The following NAALADL2 variants were observed in gnomAD, a reference collection of about 807,000 sequenced individuals.
The protein encoded by NAALADL2 is N-acetylated alpha-linked acidic dipeptidase like 2.
A neutral mutation model predicts 87.2 loss-of-function variants in NAALADL2; 76 were observed. The ratio of observed to expected loss-of-function variants is 0.87; its 90% confidence interval spans 0.72 to 1.05. The LOEUF (loss-of-function observed/expected upper bound fraction) is 1.05. NAALADL2 is among the 50% of genes least tolerant of loss of function. NAALADL2 has a pLI of 0.00. For synonymous variants in NAALADL2, 354 were observed against 331.0 expected (o/e 1.07, Z -0.75); for missense variants, 1,089 against 945.8 (o/e 1.15, Z -1.99).
intron 1 of NAALADL2, among the ~76,000 whole-genome samples, chr3:174,505,078 GTTATC>G (rs1185759298): frequency 6.6e-6 from 1 of 152,096 alleles, no homozygotes; most frequent in Non-Finnish European, 1.5e-5. Context: ...GATCATTACT[GTTATC>G]TTAACAGTCT....
intron 5 of NAALADL2, among the ~76,000 whole-genome samples, chr3:175,390,259 GA>G (rs1768917389): frequency 6.6e-6 from 1 of 151,980 alleles, no homozygotes; most frequent in Non-Finnish European, 1.5e-5. Flanking sequence ...CAAATTCCAT[GA>G]TCATTTTACT....
intron 2 of NAALADL2, among the ~76,000 whole-genome samples, chr3:174,728,033 C>CT (rs1016224505): frequency 6.6e-6 from 1 of 151,998 alleles, no homozygotes; most frequent in Non-Finnish European, 1.5e-5. Context: ...TCATTCATGT[C>CT]TTTTTGTGGC....
rs996080450 is a variant in NAALADL2, at chr3:175,405,524, A to G, written c.1091-41705A>G. On this transcript the variant is annotated intron_variant, in intron 5 of 13. Coordinates refer to ENST00000454872, the MANE Select transcript of NAALADL2 (RefSeq NM_207015.3). ...TTTCCATAAATTATTAATGTTATTT[A>G]AAAACTTTGCAGACTTTCTTTTGAT... is the stretch of plus-strand genomic sequence containing the variant. Among the ~76,000 whole-genome samples the G allele has an allele frequency of 2.8e-4, 43 of 152,280 alleles. 2 individuals carry two copies. The highest frequency in any genetic ancestry group is 1.3e-3 in the Admixed American group (20 of 15,286).
At chr3:174,784,260 T>C (rs1322304862) in intron 3 of NAALADL2, among the ~76,000 whole-genome samples, 1 of 152,076 alleles carries the variant, frequency 6.6e-6, no homozygotes, top group African/African-American at 2.4e-5. Flanking sequence ...TTTTTGGAAG[T>C]TAGGATAGGG....
At chr3:175,323,820 A>G (rs1289232960) in intron 4 of NAALADL2, among the ~76,000 whole-genome samples, 21 of 151,258 alleles carry the variant, frequency 1.4e-4, no homozygotes. Context: ...GATCGAGACC[A>G]TCCTGGCTGA....
chr3:174,650,497 T>G (rs532389822), intron 2 of NAALADL2, among the ~76,000 whole-genome samples: 1 of 152,288 alleles, frequency 6.6e-6, no homozygotes, highest in African/African-American at 2.4e-5. Context: ...AATAGCTGTG[T>G]CAACGTCTAT....
chr3:174,485,990 G>T lies in NAALADL2; in HGVS notation c.-184+44958G>T, dbSNP rs1000349708. Among the ~76,000 whole-genome samples the T allele has an allele frequency of 7.9e-5, 12 of 152,038 alleles. No homozygotes were observed. The South Asian group carries it at 8.3e-4, about 11-fold the overall frequency. On this transcript the variant is annotated intron_variant, in intron 1 of 3. Coordinates refer to the NAALADL2 transcript ENST00000434257. Reference sequence around the variant, plus strand: ...TCCCAGCACCATTTATTGAATAGGGGTGATTACTCAAAGACCTAAAAACAG... The same window carrying T: ...TCCCAGCACCATTTATTGAATAGGGTTGATTACTCAAAGACCTAAAAACAG...
chr3:174,730,909 G>C (rs1418951163), intron 2 of NAALADL2, among the ~76,000 whole-genome samples: 1 of 151,926 alleles, frequency 6.6e-6, no homozygotes, highest in Non-Finnish European at 1.5e-5. Context: ...CTGTATTTTA[G>C]AGAAAAACAA....
At chr3:174,893,867 TTAA>T (rs1428397006) in intron 1 of NAALADL2, among the ~76,000 whole-genome samples, 37 of 152,038 alleles carry the variant, frequency 2.4e-4, no homozygotes, top group Non-Finnish European at 5.1e-4. Flanking sequence ...CCCTAACTTA[TTAA>T]TAATAACATT....
intron 4 of NAALADL2, among the ~76,000 whole-genome samples, chr3:175,276,713 A>G (rs963175088): frequency 1.3e-5 from 2 of 152,220 alleles, no homozygotes; most frequent in African/African-American, 4.8e-5. Flanking sequence ...AAATTATACT[A>G]CTACCTTTAT....
chr3:175,346,617 A>G (rs932830567), intron 5 of NAALADL2, among the ~76,000 whole-genome samples: 7 of 152,256 alleles, frequency 4.6e-5, no homozygotes, highest in Middle Eastern at 3.4e-3. Flanking sequence ...AAAATGGTCA[A>G]ATTGGTTCAA....
intron 11 of NAALADL2, among the ~76,000 whole-genome samples, chr3:175,698,820 C>G (rs1420863865): frequency 2.6e-5 from 4 of 151,668 alleles, no homozygotes; most frequent in African/African-American, 9.7e-5. Flanking sequence ...TCTCAAAGAC[C>G]ATAAAGCACT....
intron 9 of NAALADL2, among the ~76,000 whole-genome samples, chr3:175,575,489 T>A (rs920786895): frequency 1.3e-5 from 2 of 152,028 alleles, no homozygotes; most frequent in African/African-American, 4.8e-5. Context: ...TTCACCATGT[T>A]GGCCAGGCTG....
chr3:174,839,747 C>T (rs951207378), intron 3 of NAALADL2, among the ~76,000 whole-genome samples: 1 of 151,940 alleles, frequency 6.6e-6, no homozygotes, highest in Non-Finnish European at 1.5e-5. Flanking sequence ...GAAAAACATG[C>T]TCTACATACA....
chr3:175,004,216 A>ATAAG (rs968386681), intron 1 of NAALADL2, among the ~76,000 whole-genome samples: 2 of 152,138 alleles, frequency 1.3e-5, no homozygotes, highest in Non-Finnish European at 2.9e-5. Flanking sequence ...TCTATTAAAA[A>ATAAG]TAAGTAAGTA....
intron 3 of NAALADL2, among the ~76,000 whole-genome samples, chr3:174,808,450 T>A (rs1429565462): frequency 2.0e-5 from 3 of 152,220 alleles, no homozygotes; most frequent in East Asian, 3.9e-4. Context: ...TTTAAAGAAT[T>A]TTAGAATATT....
At chr3:175,504,132 CT>C (rs1455515939) in intron 9 of NAALADL2, among the ~76,000 whole-genome samples, 2 of 152,134 alleles carry the variant, frequency 1.3e-5, no homozygotes, top group African/African-American at 4.8e-5. Context: ...TTTTAATCTT[CT>C]ACATATGGCT....
intron 4 of NAALADL2, among the ~76,000 whole-genome samples, chr3:175,315,265 T>C (rs1343144340): frequency 2.6e-5 from 4 of 152,130 alleles, no homozygotes; most frequent in African/African-American, 9.7e-5. Flanking sequence ...CATGAAAACT[T>C]GGACAAGGAT....
At chr3:175,331,923 C>G (rs887758170) in intron 5 of NAALADL2, among the ~76,000 whole-genome samples, 45 of 152,108 alleles carry the variant, frequency 3.0e-4, no homozygotes, top group Non-Finnish European at 1.5e-4. Context: ...AAATCAGCAG[C>G]CTTCCTGTAA....
Sources: allele counts gnomAD v4.1 joint callset (sites outside exome capture counted in the v4.1 genomes callset), GRCh38; gene constraint gnomAD v4.1.1; transcripts MANE v1.5; gene names NCBI Gene and HGNC (gene_info 2026-07-23, HGNC 2026-07-21).